Variants in PCDHGA12 observed in about 807,000 individuals in gnomAD.
The protein encoded by PCDHGA12 is protocadherin gamma-A12.
In PCDHGA12, 43 loss-of-function variants were observed where a neutral mutation model predicts 61.1. The observed-to-expected ratio is 0.70, with a 90% CI of 0.55 to 0.91. The LOEUF (loss-of-function observed/expected upper bound fraction) is 0.91, where lower values mean the gene tolerates loss of function less well. Among genes scored for constraint, PCDHGA12 ranks in the 40% least tolerant of loss-of-function variants. The probability of loss-of-function intolerance (pLI) is 0.00; values close to 1 mark genes in which losing one functional copy is unlikely to be tolerated. For missense variants in PCDHGA12, 1,236 were observed against 1,227.7 expected, an observed-to-expected ratio of 1.01 and a Z score of -0.10; for synonymous variants, 520 against 542.9, an observed-to-expected ratio of 0.96 and a Z score of 0.59.
At chr5:141,447,773 T>C (rs2098551408) in intron 1 of PCDHGA12, among the ~76,000 whole-genome samples, 1 of 152,202 alleles carries the variant, frequency 6.6e-6, no homozygotes, top group African/African-American at 2.4e-5. Context: ...AATTATACTT[T>C]AATTGAAAAT....
rs2099388776 is a variant in PCDHGA12, at chr5:141,476,308, C to T, written c.2425-18499C>T. On this transcript the variant is annotated intron_variant, in intron 1 of 3. Coordinates refer to ENST00000252085, the MANE Select transcript of PCDHGA12 (RefSeq NM_003735.3). The surrounding 1 kb of genome is among the most constrained non-coding windows in gnomAD (Gnocchi z 7.6). ...TGGATCTCGGTAGCCTCTCAGCCCG[C>T]AGGTTCCGGGTGGTGTCTGGAGCTA... The T allele has an allele frequency of 1.2e-6, 2 of 1,613,750 alleles. No individual in the cohort carries two copies. The highest frequency in any genetic ancestry group is 2.7e-5 in the African/African-American group (2 of 74,806).
Position 141,511,429 on chromosome 5 carries a change from G to A in PCDHGA12, c.*256G>A, listed in dbSNP as rs1414641314. 1.3e-6 allele frequency: 1 copy of A among 769,620 alleles called. No individual in the cohort carries two copies. The highest frequency in any genetic ancestry group is 2.0e-6 in the Non-Finnish European group (1 of 505,154). The allele number at this position is 769,620 out of a possible 1,614,324, so 47.7% of individuals were successfully genotyped here. On this transcript the variant is annotated 3_prime_UTR_variant, in exon 4 of 4. Transcript: ENST00000252085. The stretch of plus-strand genomic sequence containing the variant: ...CTGCTGTACCCATGGGGGTAGTGGG[G>A]TTACTGTAGACACCAAGAACCATTT...
At position 141,490,219 on chromosome 5, in the gene PCDHGA12, C is replaced by T. The variant is rs771985398; in HGVS notation, c.2425-4588C>T. 2.5e-5 allele frequency: 41 copies of T among 1,614,094 alleles called. No individual in the cohort carries two copies. The highest frequency in any genetic ancestry group is 3.3e-5 in the Non-Finnish European group (39 of 1,180,038). On this transcript the variant is annotated intron_variant, in intron 1 of 3. Coordinates refer to ENST00000252085, the MANE Select transcript of PCDHGA12 (RefSeq NM_003735.3). This position sits in a 1 kb window ranked among gnomAD's most constrained non-coding sequence, Gnocchi z 5.4. ...TCATGCAAGAGCCCGTGACCAGGGA[C>T]AGCCTGCCATGGAGGGCCACTGTGT... is the stretch of plus-strand genomic sequence containing the variant.
intron 1 of PCDHGA12, among the ~76,000 whole-genome samples, chr5:141,492,869 A>G (rs975868829): frequency 6.6e-6 from 1 of 152,010 alleles, no homozygotes; most frequent in African/African-American, 2.4e-5. Context: ...CTGGCTCTCA[A>G]CCCCCAGAGA....
chr5:141,482,530 CA>C (rs3074545), intron 1 of PCDHGA12, among the ~76,000 whole-genome samples: 1,133 of 76,538 alleles, frequency 0.015, 6 homozygotes, highest in Admixed American at 0.025. Flanking sequence ...GACAGACATG[CA>C]AAAAAAAAAA....
rs1481171398 is a variant in PCDHGA12 at position 141,455,879 on chromosome 5, ATTT to A, written c.2424+22697_2424+22699del. 3.8e-4 allele frequency among the ~76,000 whole-genome samples: 56 copies of A among 147,786 alleles called. No individual in the cohort carries two copies. In the East Asian group the frequency reaches 8.9e-3, roughly 23 times the overall value. On this transcript the variant is annotated intron_variant, in intron 1 of 3. Coordinates refer to ENST00000252085, the MANE Select transcript of PCDHGA12 (RefSeq NM_003735.3). ...TCTTTTATTATTTATTTATTTATTTATTTATTTATTTATTTATTTATTTATTTA... is the reference window on the plus strand; with the variant it reads ...TCTTTTATTATTTATTTATTTATTTAATTTATTTATTTATTTATTTATTTA...
chr5:141,467,284 C>T (rs2099140788), intron 1 of PCDHGA12, among the ~76,000 whole-genome samples: 1 of 152,080 alleles, frequency 6.6e-6, no homozygotes, highest in Non-Finnish European at 1.5e-5. Context: ...AACTCTTGAC[C>T]TCAAGTGATC....
intron 3 of PCDHGA12, among the ~76,000 whole-genome samples, chr5:141,509,776 C>T (rs898626809): frequency 7.2e-5 from 11 of 152,140 alleles, no homozygotes; most frequent in African/African-American, 9.7e-5. Context: ...GTCTAGTCCC[C>T]GAGATCATCA....
At position 141,490,649 on chromosome 5, in the gene PCDHGA12, G is replaced by C. The variant is rs1428223995; in HGVS notation, c.2425-4158G>C. 1 of 1,614,148 alleles carries C rather than the reference G, an allele frequency of 6.2e-7. No homozygotes were observed. Among genetic ancestry groups the C allele is most frequent in the Admixed American group, 1.7e-5 (1 of 60,018 alleles). On this transcript the variant is annotated intron_variant, in intron 1 of 3. Coordinates refer to ENST00000252085, the MANE Select transcript of PCDHGA12 (RefSeq NM_003735.3). The surrounding 1 kb of genome is among the most constrained non-coding windows in gnomAD (Gnocchi z 5.4). ...TACATCCTAGAAAACCGGCCTCCGG[G>C]CTCCCTTCTTTGCACTGTGGCTGCC...
Position 141,476,208 on chromosome 5 carries a change from C to T in PCDHGA12, c.2425-18599C>T, listed in dbSNP as rs1266601125. The T allele has an allele frequency of 6.2e-7, 1 of 1,613,794 alleles. No homozygotes were observed. ...CTTGGTGCCTTGAACAAGGCTTCCA[C>T]GGTCATTCACTATGAGATCCCGGAG... On this transcript the variant is annotated intron_variant, in intron 1 of 3. Coordinates refer to ENST00000252085, the MANE Select transcript of PCDHGA12 (RefSeq NM_003735.3). The surrounding 1 kb of genome is among the most constrained non-coding windows in gnomAD (Gnocchi z 7.6).
chr5:141,458,386 G>T (rs1037969327), intron 1 of PCDHGA12, among the ~76,000 whole-genome samples: 2 of 152,070 alleles, frequency 1.3e-5, no homozygotes, highest in African/African-American at 2.4e-5. Flanking sequence ...GAAGGAAGAC[G>T]CTCCCCCTTG....
intron 1 of PCDHGA12, among the ~76,000 whole-genome samples, chr5:141,447,652 C>T (rs901761789): frequency 6.6e-6 from 1 of 151,972 alleles, no homozygotes; most frequent in African/African-American, 2.4e-5. Context: ...TAGAATTTTC[C>T]CCCCCAGGAA....
chr5:141,454,892 C>T (rs1389056318), intron 1 of PCDHGA12, among the ~76,000 whole-genome samples: 4 of 146,994 alleles, frequency 2.7e-5, no homozygotes, highest in Non-Finnish European at 5.9e-5. Context: ...ACTGCTAGCA[C>T]CGCCTCCCGG....
intron 1 of PCDHGA12, among the ~76,000 whole-genome samples, chr5:141,438,591 CATATATATATATATATATAT>C (rs946798767): frequency 2.1e-4 from 16 of 75,572 alleles, no homozygotes; most frequent in Middle Eastern, 0.016. Context: ...TACATACATA[CATATATATATATATATATAT>C]ATATATATAT....
Position 141,450,006 on chromosome 5 carries a change from C to CTATTTTTT in PCDHGA12, c.2424+16824_2424+16825insATTTTTTT, listed in dbSNP as rs70988802. Among the ~76,000 whole-genome samples the CTATTTTTT allele has an allele frequency of 4.4e-4, 58 of 132,942 alleles. 2 individuals carry two copies. The highest frequency in any genetic ancestry group is 8.4e-4 in the African/African-American group (30 of 35,608). The allele number at this position is 132,942 out of a possible 152,430, so 87.2% of individuals were successfully genotyped here. A position where few individuals can be genotyped will look rare whatever the true frequency, so the allele number is the denominator to read the frequency against. ...CACATTGCATTTAGTTGCCATGTCT[C>CTATTTTTT]TTTTTTTTTTTTTTTTTTGAGACAG... On this transcript the variant is annotated intron_variant, in intron 1 of 3. Coordinates refer to ENST00000252085, the MANE Select transcript of PCDHGA12 (RefSeq NM_003735.3).
intron 1 of PCDHGA12, among the ~76,000 whole-genome samples, chr5:141,468,130 G>C (rs1312004369): frequency 6.6e-6 from 1 of 151,878 alleles, no homozygotes; most frequent in Admixed American, 6.6e-5. Context: ...TTTGAGACCA[G>C]CCTGGCCAAC....
Position 141,431,135 on chromosome 5 carries a change from A to G in PCDHGA12, c.376A>G (p.Ile126Val), listed in dbSNP as rs140069213. The G allele has an allele frequency of 1.5e-5, 24 of 1,614,266 alleles. No homozygotes were observed. In the African/African-American group the frequency reaches 3.1e-4, roughly 21 times the overall value. Reference sequence around the variant, plus strand: ...TGGAGTAGAAGTAGAAGTAAGGGACATTAACGACAATGCGCCTTACTTTCG... The same window carrying G: ...TGGAGTAGAAGTAGAAGTAAGGGACGTTAACGACAATGCGCCTTACTTTCG... ...IYGVEVEVRD[I>V]NDNAPYFRES... Residue 126 changes from isoleucine to valine, a missense_variant, in exon 1 of 4, where the codon ATT becomes GTT. Physicochemically the swap from Ile to Val is conservative, Grantham distance 29. Transcript: ENST00000252085. This position sits in a 1 kb window ranked among gnomAD's most constrained non-coding sequence, Gnocchi z 4.8.
intron 1 of PCDHGA12, among the ~76,000 whole-genome samples, chr5:141,458,275 G>A (rs975142859): frequency 2.6e-5 from 4 of 152,142 alleles, no homozygotes; most frequent in Non-Finnish European, 5.9e-5. Flanking sequence ...GAACAACAGG[G>A]TTCCTGGTCC....
rs946798767 is a variant in PCDHGA12, at chr5:141,438,591, CATATATATAT to C, written c.2424+5444_2424+5453del. On this transcript the variant is annotated intron_variant, in intron 1 of 3. Transcript: ENST00000252085. The stretch of plus-strand genomic sequence containing the variant: ...TCTGATATACATACATACATACATA[CATATATATAT>C]ATATATATATATATATATATATATA... Among the ~76,000 whole-genome samples, 12 of 75,572 alleles carry C rather than the reference CATATATATAT, an allele frequency of 1.6e-4. No individual in the cohort carries two copies. The East Asian group carries it at 1.7e-3, about 11-fold the overall frequency. The allele number at this position is 75,572 out of a possible 152,430, so 49.6% of individuals were successfully genotyped here.
Sources: allele counts gnomAD v4.1 joint callset (sites outside exome capture counted in the v4.1 genomes callset), GRCh38; gene constraint gnomAD v4.1.1; non-coding constraint Gnocchi (gnomAD v3.1); transcripts MANE v1.5; gene names NCBI Gene and HGNC (gene_info 2026-07-23, HGNC 2026-07-21).